OR52N2: variants seen among roughly 807,000 people sequenced by gnomAD.
The protein encoded by OR52N2 is olfactory receptor 52N2.
For synonymous variants in OR52N2, 129 were observed against 72.0 expected (o/e 1.79, Z -4.01); for missense variants, 326 against 196.6 (o/e 1.66, Z -3.94).
At chr11:5,816,950 A>G (rs913514184) in intron 1 of OR52N2, among the ~76,000 whole-genome samples, 4 of 152,214 alleles carry the variant, frequency 2.6e-5, no homozygotes, top group African/African-American at 7.2e-5. Context: ...TTTTGACAAA[A>G]TAATTTTGTG....
chr11:5,817,720 A>G (rs972531649), intron 1 of OR52N2, among the ~76,000 whole-genome samples: 5 of 152,208 alleles, frequency 3.3e-5, no homozygotes, highest in Admixed American at 6.5e-5. Flanking sequence ...GTTTATCAAC[A>G]CAATTAAAAT....
intron 1 of OR52N2, among the ~76,000 whole-genome samples, chr11:5,812,418 C>T (rs1846369881): frequency 6.7e-6 from 1 of 148,266 alleles, no homozygotes; most frequent in African/African-American, 2.5e-5. Flanking sequence ...TGGCGTGAAC[C>T]CAGGAGGCGG....
chr11:5,812,305 T>A (rs1459703123), intron 1 of OR52N2, among the ~76,000 whole-genome samples: 1 of 148,878 alleles, frequency 6.7e-6, no homozygotes, highest in East Asian at 1.9e-4. Flanking sequence ...CCATCCTGGC[T>A]AACACGGTGA....
intron 1 of OR52N2, among the ~76,000 whole-genome samples, chr11:5,816,063 T>C (rs904097807): frequency 6.6e-6 from 1 of 152,136 alleles, no homozygotes; most frequent in African/African-American, 2.4e-5. Flanking sequence ...AAATAAAATA[T>C]GCCTGTCACA....
At chr11:5,816,385 T>G (rs557869520) in intron 1 of OR52N2, among the ~76,000 whole-genome samples, 1 of 152,292 alleles carries the variant, frequency 6.6e-6, no homozygotes, top group East Asian at 1.9e-4. Context: ...TGTCAATAAC[T>G]AAACCAAACA....
In OR52N2 at chr11:5,820,989, A is replaced by G; in HGVS notation, c.654A>G (p.Val218=). 1.3e-6 allele frequency: 1 copy of G among 780,964 alleles called. No individual in the cohort carries two copies. The highest frequency in any genetic ancestry group is 1.3e-5 in the South Asian group (1 of 74,622). The allele number at this position is 780,964 out of a possible 1,614,324, so 48.4% of individuals were successfully genotyped here. ...TGTTTGATATCTGCTGTATCTCTGT[A>G]TCTTACACTATGATTTTGCAGGCTG... ...IGVFDICCIS[V]SYTMILQAVM... Residue 218 remains valine (V), a synonymous_variant, in exon 2 of 2, where the codon GTA becomes GTG. Coordinates refer to ENST00000317037, the MANE Select transcript of OR52N2 (RefSeq NM_001005174.3).
In OR52N2 at chr11:5,817,013, T is replaced by C. The variant is rs368579192; in HGVS notation, c.-54-3269T>C. Among the ~76,000 whole-genome samples the C allele has an allele frequency of 1.4e-4, 21 of 152,368 alleles. No homozygotes were observed. In the South Asian group the frequency reaches 2.5e-3, roughly 18 times the overall value. ...TAAATTTTTCATTTAAATGAAAGTT[T>C]TGTTTCCAAGGAGTCGCAGGAATCT... On this transcript the variant is annotated intron_variant, in intron 1 of 1. Coordinates refer to ENST00000317037, the MANE Select transcript of OR52N2 (RefSeq NM_001005174.3).
At chr11:5,815,454 G>T (rs192033930) in intron 1 of OR52N2, among the ~76,000 whole-genome samples, 4 of 151,892 alleles carry the variant, frequency 2.6e-5, no homozygotes, top group African/African-American at 9.7e-5. Flanking sequence ...ATATACAAAT[G>T]GATAATAAAC....
intron 1 of OR52N2, among the ~76,000 whole-genome samples, chr11:5,817,999 A>T (rs986473340): frequency 5.3e-5 from 8 of 152,190 alleles, no homozygotes; most frequent in Non-Finnish European, 1.2e-4. Flanking sequence ...TACTAGCTGG[A>T]GATAGAAACA....
At chr11:5,818,143 G>T (rs527450023) in intron 1 of OR52N2, among the ~76,000 whole-genome samples, 1 of 152,076 alleles carries the variant, frequency 6.6e-6, no homozygotes, top group Non-Finnish European at 1.5e-5. Flanking sequence ...AGAATTACAA[G>T]TGATTTTCAA....
intron 1 of OR52N2, among the ~76,000 whole-genome samples, chr11:5,819,654 T>C (rs1846430363): frequency 6.6e-6 from 1 of 152,204 alleles, no homozygotes; most frequent in South Asian, 2.1e-4. Context: ...CAGATAGAGT[T>C]TGAGTATCAG....
At chr11:5,819,402 C>G (rs1846428441) in intron 1 of OR52N2, among the ~76,000 whole-genome samples, 1 of 152,090 alleles carries the variant, frequency 6.6e-6, no homozygotes. Context: ...GCAGTACAAA[C>G]AGTCAATAAT....
At chr11:5,812,251 T>G (rs980336593) in intron 1 of OR52N2, among the ~76,000 whole-genome samples, 1 of 151,650 alleles carries the variant, frequency 6.6e-6, no homozygotes, top group African/African-American at 2.4e-5. Context: ...TCCCAGCACT[T>G]TGGGAGGCCG....
rs1023722296 is a variant in OR52N2, at chr11:5,809,054, G to C, written c.-55G>C. 6.6e-6 allele frequency among the ~76,000 whole-genome samples: 1 copy of C among 152,070 alleles called. No homozygotes were observed. The highest frequency in any genetic ancestry group is 2.4e-5 in the African/African-American group (1 of 41,400). On this transcript the variant is annotated splice_region_variant and 5_prime_UTR_variant, in exon 1 of 2. Coordinates refer to ENST00000317037, the MANE Select transcript of OR52N2 (RefSeq NM_001005174.3). Reference sequence around the variant, plus strand: ...GGGGCATTGGAATGCGTCTCCCCTGGGTAGGATGACTGAAGATCCCTTTCT... The same window carrying C: ...GGGGCATTGGAATGCGTCTCCCCTGCGTAGGATGACTGAAGATCCCTTTCT...
intron 1 of OR52N2, among the ~76,000 whole-genome samples, chr11:5,810,271 G>A (rs1250169061): frequency 6.6e-6 from 1 of 152,180 alleles, no homozygotes; most frequent in East Asian, 1.9e-4. Context: ...AGGCAAGGCA[G>A]AACAAGGTAT....
Position 5,820,346 on chromosome 11 carries a change from A to C in OR52N2, c.11A>C (p.Asp4Ala). 1.3e-6 allele frequency: 1 copy of C among 780,762 alleles called. No individual in the cohort carries two copies. The allele number at this position is 780,762 out of a possible 1,614,324, so 48.4% of individuals were successfully genotyped here. The change falls in exon 2 of 2, where the codon GAC (aspartate) becomes GCC (alanine). Residue 4 changes from aspartate to alanine, a missense_variant. Coordinates refer to ENST00000317037, the MANE Select transcript of OR52N2 (RefSeq NM_001005174.3). ...CTCCTGTCAGCCATCATGTCTGGGG[A>C]CAACAGCTCCAGCCTGACCCCAGGA... Reference protein sequence around the residue: MSGDNSSSLTPGFF... With the variant: MSGANSSSLTPGFF...
At chr11:5,814,371 A>G (rs1198860963) in intron 1 of OR52N2, among the ~76,000 whole-genome samples, 2 of 152,094 alleles carry the variant, frequency 1.3e-5, no homozygotes, top group South Asian at 2.1e-4. Flanking sequence ...CTGAAAAGAA[A>G]TTTAGAAAAA....
chr11:5,815,778 C>T (rs1048394223), intron 1 of OR52N2, among the ~76,000 whole-genome samples: 10 of 152,140 alleles, frequency 6.6e-5, no homozygotes, highest in Non-Finnish European at 1.0e-4. Context: ...TCTGCAGTCA[C>T]ACGTTCATTG....
chr11:5,821,170 G>A lies in OR52N2; in HGVS notation c.835G>A (p.Val279Met), dbSNP rs1362592877. The change falls in exon 2 of 2, where the codon GTG (valine) becomes ATG (methionine). Residue 279 changes from valine (V) to methionine (M), a missense_variant. Physicochemically the swap from Val to Met is conservative, Grantham distance 21. Transcript: ENST00000317037. ...TATCCCAAACCACATACACATCATC[G>A]TGGCCAACCTTTATCTGCTACTGCC... ...HNIPNHIHII[V>M]ANLYLLLPPT... is the part of the protein sequence containing the mutation. 2 of 780,896 alleles carry A rather than the reference G, an allele frequency of 2.6e-6. No individual in the cohort carries two copies. The highest frequency in any genetic ancestry group is 1.3e-5 in the South Asian group (1 of 74,612). The allele number at this position is 780,896 out of a possible 1,614,324, so 48.4% of individuals were successfully genotyped here.
Sources: allele counts gnomAD v4.1 joint callset (sites outside exome capture counted in the v4.1 genomes callset), GRCh38; gene constraint gnomAD v4.1.1; transcripts MANE v1.5; gene names NCBI Gene and HGNC (gene_info 2026-07-23, HGNC 2026-07-21).